The following MLXIP variants were observed in gnomAD, a reference collection of about 807,000 sequenced individuals.
The protein encoded by MLXIP is MLX-interacting protein.
In MLXIP, 30 loss-of-function variants were observed where a neutral mutation model predicts 87.2. That is an observed-to-expected ratio of 0.34 (90% CI 0.26 to 0.47). MLXIP has a LOEUF of 0.47. Among genes scored for constraint, MLXIP ranks in the 20% least tolerant of loss-of-function variants. The pLI, the probability that MLXIP is intolerant of heterozygous loss-of-function variation, is 1.00. For synonymous variants in MLXIP, 530 were observed against 514.0 expected, an observed-to-expected ratio of 1.03 and a Z score of -0.42; for missense variants, 1,002 against 1,240.1, an observed-to-expected ratio of 0.81 and a Z score of 2.88.
intron 7 of MLXIP, 52 bp from the exon 8 acceptor site, chr12:122,132,240 C>A: frequency 6.9e-7 from 1 of 1,441,454 alleles, no homozygotes; most frequent in Non-Finnish European, 9.6e-7. Flanking sequence ...GTCTTGATTC[C>A]AGCAAATGCT....
chr12:122,111,068 C>T (rs1952599696), intron 1 of MLXIP, among the ~76,000 whole-genome samples: 1 of 117,050 alleles, frequency 8.5e-6, no homozygotes, highest in Non-Finnish European at 1.8e-5. Flanking sequence ...CAGAGCAAGA[C>T]TCTGTCTCAA....
intron 1 of MLXIP, among the ~76,000 whole-genome samples, chr12:122,121,440 G>T (rs1952783321): frequency 6.7e-6 from 1 of 148,354 alleles, no homozygotes; most frequent in Admixed American, 6.8e-5. Context: ...ACTAATTTTT[G>T]TATTTTTAGT....
In MLXIP at chr12:122,128,010, C is replaced by G. The variant is rs1311051860; in HGVS notation, c.606+42C>G. 1.9e-6 allele frequency: 3 copies of G among 1,541,030 alleles called. No homozygotes were observed. The South Asian group carries it at 3.3e-5, about 17-fold the overall frequency. On this transcript the variant is annotated intron_variant, in intron 3 of 16. Coordinates refer to ENST00000319080, the MANE Select transcript of MLXIP (RefSeq NM_014938.6). ...AAGGGTGGCTGAGAGTGGAAACATA[C>G]CAGCACCTCACCGGGAGTGGCTCAC...
chr12:122,091,339 G>T (rs577285397), intron 1 of MLXIP, among the ~76,000 whole-genome samples: 1 of 152,098 alleles, frequency 6.6e-6, no homozygotes, highest in Non-Finnish European at 1.5e-5. Context: ...TGAAGATGAC[G>T]TGGGAATTGG....
chr12:122,125,458 G>C (rs946719533), intron 1 of MLXIP, among the ~76,000 whole-genome samples: 2 of 152,208 alleles, frequency 1.3e-5, no homozygotes, highest in Non-Finnish European at 2.9e-5. Flanking sequence ...ATGTGTGTGT[G>C]TATTTTACTG....
At chr12:122,093,732 CCTGTGTGGT>C (rs1952290732) in intron 1 of MLXIP, among the ~76,000 whole-genome samples, 1 of 61,286 alleles carries the variant, frequency 1.6e-5, no homozygotes, top group South Asian at 5.6e-4. Context: ...GTTTGCGGTG[CCTGTGTGGT>C]GTGTGTGGTG....
At chr12:122,082,852 G>A (rs980824196) in intron 1 of MLXIP, among the ~76,000 whole-genome samples, 4 of 152,138 alleles carry the variant, frequency 2.6e-5, no homozygotes, top group Non-Finnish European at 5.9e-5. Flanking sequence ...ATAGGATCTC[G>A]CTCTGTTTCC....
At chr12:122,105,749 C>T (rs919858907) in intron 1 of MLXIP, among the ~76,000 whole-genome samples, 5 of 151,540 alleles carry the variant, frequency 3.3e-5, no homozygotes, top group East Asian at 1.9e-4. Context: ...CACTGCAGTC[C>T]GGCCTGGGCT....
At chr12:122,116,351 A>G (rs1952691960) in intron 1 of MLXIP, among the ~76,000 whole-genome samples, 1 of 152,190 alleles carries the variant, frequency 6.6e-6, no homozygotes, top group Non-Finnish European at 1.5e-5. Flanking sequence ...CAGGTTTGTT[A>G]CATATGTATA....
chr12:122,140,810 C>G (rs746033381), intron 15 of MLXIP, 144 bp from the exon 16 acceptor site: 3 of 1,281,396 alleles, frequency 2.3e-6, no homozygotes, highest in Non-Finnish European at 3.4e-6. Flanking sequence ...CTAGAGATCT[C>G]TCCCTCTTTT....
chr12:122,138,081 C>A, intron 12 of MLXIP, 113 bp from the exon 13 acceptor site: 1 of 849,884 alleles, frequency 1.2e-6, no homozygotes, highest in Non-Finnish European at 1.8e-6. Flanking sequence ...CCTCCTCCCA[C>A]GTAGCTCTCT....
At chr12:122,082,894 C>T (rs992577410) in intron 1 of MLXIP, among the ~76,000 whole-genome samples, 1 of 152,346 alleles carries the variant, frequency 6.6e-6, no homozygotes, top group Admixed American at 6.5e-5. Context: ...GATCACAGCT[C>T]ACTGCAGCCT....
intron 15 of MLXIP, among the ~76,000 whole-genome samples, chr12:122,140,583 C>T (rs752906542): frequency 3.9e-5 from 6 of 152,270 alleles, no homozygotes; most frequent in Non-Finnish European, 5.9e-5. Flanking sequence ...CGTGAGCCAC[C>T]GCGCCCGGCT....
intron 1 of MLXIP, among the ~76,000 whole-genome samples, chr12:122,081,577 C>A (rs1952091466): frequency 6.6e-6 from 1 of 152,128 alleles, no homozygotes; most frequent in African/African-American, 2.4e-5. Flanking sequence ...AGTCCCAGCA[C>A]TTTGGGAGGC....
chr12:122,089,415 G>T (rs1321221245), intron 1 of MLXIP, among the ~76,000 whole-genome samples: 1 of 152,126 alleles, frequency 6.6e-6, no homozygotes, highest in Non-Finnish European at 1.5e-5. Flanking sequence ...ATCCTAGCTT[G>T]GTGTTTTAAA....
intron 1 of MLXIP, among the ~76,000 whole-genome samples, chr12:122,084,842 C>A (rs962642833): frequency 5.9e-5 from 9 of 152,152 alleles, no homozygotes; most frequent in African/African-American, 2.2e-4. Flanking sequence ...GCCACTGTGC[C>A]CGGCCTCTTA....
At chr12:122,101,106 C>T (rs139530567) in intron 1 of MLXIP, among the ~76,000 whole-genome samples, 4,650 of 152,282 alleles carry the variant, frequency 0.031, 221 homozygotes, top group African/African-American at 0.11. Flanking sequence ...ACTATGTCCC[C>T]GGGCTAACTG....
At chr12:122,109,594 A>G (rs904792183) in intron 1 of MLXIP, among the ~76,000 whole-genome samples, 4 of 152,248 alleles carry the variant, frequency 2.6e-5, no homozygotes, top group African/African-American at 9.6e-5. Flanking sequence ...TTGACCTCAG[A>G]TGGGTTGGCT....
At position 122,142,451 on chromosome 12, in the gene MLXIP, C is replaced by G. The variant is rs1033293873; in HGVS notation, c.*639C>G. 1.0e-5 allele frequency: 4 copies of G among 399,086 alleles called. No individual in the cohort carries two copies. The allele number at this position is 399,086 out of a possible 1,614,324, so 24.7% of individuals were successfully genotyped here. A position where few individuals can be genotyped will look rare whatever the true frequency, so the allele number is the denominator to read the frequency against. Reference sequence around the variant, plus strand: ...GCAGAAACGGTGGATGTGGAACACACAGGACCAGAATGGAAGCGTGTGATG... The same window carrying G: ...GCAGAAACGGTGGATGTGGAACACAGAGGACCAGAATGGAAGCGTGTGATG... On this transcript the variant is annotated 3_prime_UTR_variant, in exon 17 of 17. Transcript: ENST00000319080.
Sources: gnomAD v4.1 joint callset for allele counts (sites outside exome capture counted in the v4.1 genomes callset) on GRCh38, gnomAD v4.1.1 for gene constraint, MANE v1.5 for transcripts, NCBI Gene and HGNC (gene_info 2026-07-23, HGNC 2026-07-21) for gene names.